The following SPPL2B variants were observed in gnomAD, a reference collection of about 807,000 sequenced individuals.
The protein encoded by SPPL2B is signal peptide peptidase-like 2B.
SPPL2B carries 39 observed loss-of-function variants against 59.7 expected under a neutral mutation model. The ratio of observed to expected loss-of-function variants is 0.65; its 90% CI spans 0.51 to 0.85. The LOEUF (loss-of-function observed/expected upper bound fraction) is 0.85, where lower values mean the gene tolerates loss of function less well. Ranked by LOEUF, SPPL2B falls within the 40% of genes least tolerant of loss-of-function variation. The pLI is 0.00. For synonymous variants in SPPL2B, 419 were observed against 370.8 expected, an observed-to-expected ratio of 1.13 and a Z score of -1.49; for missense variants, 865 against 849.0, an observed-to-expected ratio of 1.02 and a Z score of -0.23.
Position 2,340,089 on chromosome 19 carries a change from C to A in SPPL2B, c.756C>A (p.Ile252=), listed in dbSNP as rs370030049. ...YFYDLLVYVV[I]GIFCLASATG... is the part of the protein sequence containing the mutation. The stretch of plus-strand genomic sequence containing the variant: ...CTGCCCCTGCAGTGTACGTGGTCAT[C>A]GGGATCTTCTGCCTGGCCTCCGCCA... The change falls in exon 7 of 15, where the codon ATC becomes ATA. Residue 252 remains isoleucine, a synonymous_variant. Transcript: ENST00000613503. 1 of 1,594,844 alleles carries A rather than the reference C, an allele frequency of 6.3e-7. No individual in the cohort carries two copies. The highest frequency in any genetic ancestry group is 1.1e-5 in the South Asian group (1 of 89,222).
chr19:2,334,061 C>T (rs370856123), intron 1 of SPPL2B, among the ~76,000 whole-genome samples: 23 of 152,282 alleles, frequency 1.5e-4, no homozygotes, highest in African/African-American at 3.6e-4. Context: ...TGGGCCCCAC[C>T]GTGTGCCTGG....
Position 2,344,893 on chromosome 19 carries a change from C to T in SPPL2B, c.1276+241C>T, listed in dbSNP as rs538269868. 6.0e-4 allele frequency among the ~76,000 whole-genome samples: 92 copies of T among 152,274 alleles called. 1 individual carries two copies. Among genetic ancestry groups the T allele is most frequent in the African/African-American group, 2.2e-3 (90 of 41,530 alleles). On this transcript the variant is annotated intron_variant, in intron 12 of 14. Transcript: ENST00000613503. ...GGGAAGGCCCCCCGATTGCAGACAG[C>T]CTCACCCCATCCTGCTCGGGGTTGT...
Position 2,337,639 on chromosome 19 carries a change from C to T in SPPL2B, c.369+14C>T, listed in dbSNP as rs754663861. 8.8e-5 allele frequency: 135 copies of T among 1,537,378 alleles called. 1 individual carries two copies. Among genetic ancestry groups the T allele is most frequent in the South Asian group, 5.8e-4 (48 of 82,934 alleles). On this transcript the variant is annotated intron_variant, in intron 3 of 14. Transcript: ENST00000613503. Reference sequence around the variant, plus strand: ...AGGGAGAGGCTGGTACGGCCCTGTGCGTCCCCCGCTGGGCCAGCTCTCAGG... The same window carrying T: ...AGGGAGAGGCTGGTACGGCCCTGTGTGTCCCCCGCTGGGCCAGCTCTCAGG...
Position 2,332,666 on chromosome 19 carries a change from C to T in SPPL2B, c.67-1936C>T, listed in dbSNP as rs1346560097. 6.6e-6 allele frequency among the ~76,000 whole-genome samples: 1 copy of T among 152,138 alleles called. No individual in the cohort carries two copies. The highest frequency in any genetic ancestry group is 1.5e-5 in the Non-Finnish European group (1 of 68,016). ...GCCCCAGAAGGCTGAGGGCTGGGTG[C>T]TCCTGAGAACGGGCAGGCCTAGGGC... On this transcript the variant is annotated intron_variant, in intron 1 of 14. Transcript: ENST00000613503. The surrounding 1 kb of genome is among the most constrained non-coding windows in gnomAD (Gnocchi z 4.6).
chr19:2,334,760 T>G, intron 2 of SPPL2B, 39 bp downstream of exon 2: 3 of 1,492,000 alleles, frequency 2.0e-6, no homozygotes, highest in Non-Finnish European at 2.7e-6. Flanking sequence ...CGGAGGAGAA[T>G]GCGGGGGCCC....
chr19:2,336,069 T>C (rs576141258), intron 2 of SPPL2B, among the ~76,000 whole-genome samples: 1 of 152,302 alleles, frequency 6.6e-6, no homozygotes, highest in African/African-American at 2.4e-5. Flanking sequence ...ATTTCTGAGT[T>C]TGTGTGTGTG....
intron 10 of SPPL2B, 145 bp from the exon 11 acceptor site, chr19:2,344,217 A>G (rs1368919537): frequency 2.4e-6 from 1 of 424,286 alleles, no homozygotes; most frequent in Non-Finnish European, 4.2e-6. Flanking sequence ...CCACCCCATC[A>G]CCCTGCTCCC....
chr19:2,333,256 G>A (rs1177064999), intron 1 of SPPL2B, among the ~76,000 whole-genome samples: 6 of 141,724 alleles, frequency 4.2e-5, no homozygotes, highest in African/African-American at 1.3e-4. Context: ...GCTGGACTGG[G>A]CTCTGCTGGG....
At chr19:2,341,177 T>C in intron 8 of SPPL2B, 163 bp downstream of exon 8, 2 of 702,666 alleles carry the variant, frequency 2.8e-6, no homozygotes, top group East Asian at 2.7e-5. Flanking sequence ...CTGACAGGGC[T>C]GCGAGGGCGT....
Position 2,344,807 on chromosome 19 carries a change from T to A in SPPL2B, c.1276+155T>A, listed in dbSNP as rs557756247. ...CAGGTTGGGGCCGTTGAGGCCTGGG[T>A]GCCTGGGCAGCGAGGGCATTGCCTG... is the stretch of plus-strand genomic sequence containing the variant. On this transcript the variant is annotated intron_variant, in intron 12 of 14. Coordinates refer to ENST00000613503, the MANE Select transcript of SPPL2B (RefSeq NM_152988.3). Among the ~76,000 whole-genome samples, 9 of 152,194 alleles carry A rather than the reference T, an allele frequency of 5.9e-5. No individual in the cohort carries two copies. In the South Asian group the frequency reaches 1.5e-3, roughly 25 times the overall value.
chr19:2,339,239 G>A (rs1427793483), intron 5 of SPPL2B, 31 bp downstream of exon 5: 9 of 1,587,876 alleles, frequency 5.7e-6, no homozygotes, highest in Admixed American at 1.8e-5. Context: ...GTGCTGTGAC[G>A]GGGTCGGGCG....
At position 2,340,658 on chromosome 19, in the gene SPPL2B, C is replaced by T. The variant is rs947882399; in HGVS notation, c.840-240C>T. 5 of 576,354 alleles carry T rather than the reference C, an allele frequency of 8.7e-6. 1 individual carries two copies. The South Asian group carries it at 1.0e-4, about 12-fold the overall frequency. 35.7% of individuals were successfully genotyped at this position (576,354 alleles called of 1,614,324 possible). On this transcript the variant is annotated intron_variant, in intron 7 of 14. Transcript: ENST00000613503. ...AGGCAGGGCCTCGGGCGAAGGGGCG[C>T]AGCGCAGGCGAGGGGCTCTGTGGGT...
chr19:2,339,778 C>T lies in SPPL2B; in HGVS notation c.600-46C>T, dbSNP rs752041011. On this transcript the variant is annotated intron_variant, in intron 5 of 14. Coordinates refer to ENST00000613503, the MANE Select transcript of SPPL2B (RefSeq NM_152988.3). ...GGCTGTGGGCTCCCGAGCCCCGTGTCGGCCAGCCGGCCCCAGGGCCCCACG... is the reference window on the plus strand; with the variant it reads ...GGCTGTGGGCTCCCGAGCCCCGTGTTGGCCAGCCGGCCCCAGGGCCCCACG... 4.0e-5 allele frequency: 63 copies of T among 1,583,830 alleles called. 1 individual carries two copies. The South Asian group carries it at 4.6e-4, about 12-fold the overall frequency.
chr19:2,345,104 C>T (rs902310543), intron 12 of SPPL2B, 149 bp from the exon 13 acceptor site: 7 of 632,118 alleles, frequency 1.1e-5, no homozygotes, highest in African/African-American at 3.7e-5. Flanking sequence ...CCCGAGCGAG[C>T]GTGTGGCCTG....
intron 13 of SPPL2B, among the ~76,000 whole-genome samples, chr19:2,348,976 TTC>T (rs771026213): frequency 1.0e-4 from 5 of 48,504 alleles, no homozygotes; most frequent in South Asian, 7.1e-4. Flanking sequence ...CTTGATTCCG[TTC>T]TCTCTCCACA....
intron 14 of SPPL2B, among the ~76,000 whole-genome samples, chr19:2,352,616 T>G (rs1311856976): frequency 1.3e-5 from 2 of 152,118 alleles, no homozygotes; most frequent in Non-Finnish European, 2.9e-5. Flanking sequence ...CTCCCCATTC[T>G]GATGGGCATT....
chr19:2,340,691 G>A (rs1476830080), intron 7 of SPPL2B, among the ~76,000 whole-genome samples: 1 of 152,154 alleles, frequency 6.6e-6, no homozygotes, highest in East Asian at 1.9e-4. Context: ...GGTACAGCCC[G>A]TGGCCCCCAG....
At chr19:2,351,285 T>C in intron 13 of SPPL2B, 149 bp from the exon 14 acceptor site, 1 of 646,266 alleles carries the variant, frequency 1.5e-6, no homozygotes, top group South Asian at 1.9e-5. Context: ...GGGGAGCCTG[T>C]GGCCCTGCCG....
intron 2 of SPPL2B, 66 bp downstream of exon 2, chr19:2,334,787 C>T (rs1347260280): frequency 4.1e-6 from 6 of 1,452,844 alleles, no homozygotes; most frequent in African/African-American, 1.4e-5. Flanking sequence ...TCTAGAGACA[C>T]ATCCGGCTGG....
Sources: gnomAD v4.1 joint callset for allele counts (sites outside exome capture counted in the v4.1 genomes callset) on GRCh38, gnomAD v4.1.1 for gene constraint, Gnocchi (gnomAD v3.1) non-coding constraint, MANE v1.5 for transcripts, NCBI Gene and HGNC (gene_info 2026-07-23, HGNC 2026-07-21) for gene names.